The following GRAMD1B variants were observed in gnomAD, a reference collection of about 807,000 sequenced individuals.
The protein encoded by GRAMD1B is GRAM domain containing 1B, also known as protein Aster-B.
GRAMD1B carries 37 observed loss-of-function variants against 99.7 expected under a neutral mutation model. That is an observed-to-expected ratio of 0.37 (90% CI 0.29 to 0.49). The LOEUF is 0.49. GRAMD1B is among the 20% of genes least tolerant of loss of function. GRAMD1B has a pLI of 0.98. For missense variants in GRAMD1B, 888 were observed against 1,009.2 expected, an observed-to-expected ratio of 0.88 and a Z score of 1.63; for synonymous variants, 427 against 387.6, an observed-to-expected ratio of 1.10 and a Z score of -1.19.
At chr11:123,381,741 T>C (rs376337819) in intron 1 of GRAMD1B, among the ~76,000 whole-genome samples, 1 of 152,230 alleles carries the variant, frequency 6.6e-6, no homozygotes, top group Admixed American at 6.5e-5. Flanking sequence ...CTTGGAACTA[T>C]GCTATTTTTT....
chr11:123,560,592 T>C, intron 2 of GRAMD1B: 1 of 537,372 alleles, frequency 1.9e-6, no homozygotes, highest in Non-Finnish European at 3.2e-6. Context: ...GCCCAATGCA[T>C]GAATGAATGA....
intron 2 of GRAMD1B, among the ~76,000 whole-genome samples, chr11:123,553,927 A>C (rs918368919): frequency 6.6e-6 from 1 of 152,212 alleles, no homozygotes; most frequent in Non-Finnish European, 1.5e-5. Context: ...CCATTAAAAA[A>C]ACTTTGGTCA....
chr11:123,554,745 A>C (rs1946000197), intron 2 of GRAMD1B, among the ~76,000 whole-genome samples: 1 of 152,066 alleles, frequency 6.6e-6, no homozygotes, highest in African/African-American at 2.4e-5. Context: ...AACAAGTAAA[A>C]ACATGGAAAG....
intron 2 of GRAMD1B, among the ~76,000 whole-genome samples, chr11:123,538,437 A>C (rs1471792882): frequency 6.6e-6 from 1 of 152,094 alleles, no homozygotes; most frequent in East Asian, 1.9e-4. Context: ...CACTCATTTA[A>C]GATGTACAAT....
chr11:123,543,850 T>C (rs1944785644), intron 2 of GRAMD1B, among the ~76,000 whole-genome samples: 1 of 152,248 alleles, frequency 6.6e-6, no homozygotes, highest in Non-Finnish European at 1.5e-5. Context: ...CAGGCTTTCA[T>C]TTACTTGTTG....
intron 1 of GRAMD1B, among the ~76,000 whole-genome samples, chr11:123,436,609 A>G (rs1272924142): frequency 1.3e-5 from 2 of 152,212 alleles, no homozygotes; most frequent in Non-Finnish European, 2.9e-5. Flanking sequence ...AGACACTCTC[A>G]AAGTGTTGCT....
intron 2 of GRAMD1B, among the ~76,000 whole-genome samples, chr11:123,535,242 A>T (rs945816254): frequency 4.8e-5 from 3 of 61,962 alleles, no homozygotes; most frequent in Non-Finnish European, 7.3e-5. Flanking sequence ...TTTCCATTTA[A>T]AAAAAAAAAA....
chr11:123,523,531 T>A (rs1334309540), intron 2 of GRAMD1B, among the ~76,000 whole-genome samples: 2 of 108,638 alleles, frequency 1.8e-5, no homozygotes, highest in African/African-American at 7.5e-5. Context: ...TTTGGATTTT[T>A]GTTTTTGTAG....
chr11:123,531,884 C>T (rs527604713), intron 2 of GRAMD1B, among the ~76,000 whole-genome samples: 1 of 152,018 alleles, frequency 6.6e-6, no homozygotes, highest in African/African-American at 2.4e-5. Context: ...TACAGGCATG[C>T]ACCACCACGC....
intron 2 of GRAMD1B, among the ~76,000 whole-genome samples, chr11:123,548,028 G>A (rs1234623721): frequency 6.6e-6 from 1 of 151,948 alleles, no homozygotes; most frequent in Non-Finnish European, 1.5e-5. Context: ...TCCGGCATCT[G>A]GGGTGGGTGC....
chr11:123,542,299 A>T (rs1591904846), intron 2 of GRAMD1B, among the ~76,000 whole-genome samples: 1 of 152,238 alleles, frequency 6.6e-6, no homozygotes, highest in Admixed American at 6.5e-5. Flanking sequence ...TCATTGAAGC[A>T]GGGCCTTGGC....
At chr11:123,612,888 T>C in intron 15 of GRAMD1B, 24 bp downstream of exon 15, 1 of 1,340,518 alleles carries the variant, frequency 7.5e-7, no homozygotes, top group African/African-American at 1.4e-5. Flanking sequence ...TCCTTGCTGC[T>C]AGCTGGGCTG....
intron 14 of GRAMD1B, among the ~76,000 whole-genome samples, chr11:123,612,091 C>CTTTT (rs933742922): frequency 2.7e-5 from 4 of 147,504 alleles, no homozygotes; most frequent in African/African-American, 9.9e-5. Flanking sequence ...AGATGATATT[C>CTTTT]TTTTTTTTTT....
chr11:123,427,323 C>T (rs1948690704), upstream of GRAMD1B, among the ~76,000 whole-genome samples: 1 of 152,182 alleles, frequency 6.6e-6, no homozygotes, highest in Admixed American at 6.5e-5. Context: ...TAGCCATCAT[C>T]ATTTATCTGT....
rs116059785 is a variant in GRAMD1B at position 123,522,477 on chromosome 11, C to T, written c.452+41584C>T. 9.5e-3 allele frequency among the ~76,000 whole-genome samples: 1,447 copies of T among 152,194 alleles called. 24 individuals are homozygous for T. The highest frequency in any genetic ancestry group is 0.033 in the African/African-American group (1,375 of 41,514). On this transcript the variant is annotated intron_variant, in intron 2 of 19. Coordinates refer to ENST00000635736, the MANE Select transcript of GRAMD1B (RefSeq NM_001387025.1). ...GGGATTATAGGCGTGCCCTACCACG[C>T]GTGGCTAATTTTTGTATTTTTAATA...
chr11:123,529,710 T>A (rs1943153852), intron 2 of GRAMD1B, among the ~76,000 whole-genome samples: 1 of 152,068 alleles, frequency 6.6e-6, no homozygotes, highest in African/African-American at 2.4e-5. Context: ...TACATGGTTA[T>A]TTTTTTTCTT....
chr11:123,457,893 T>C (rs1950232438), intron 1 of GRAMD1B, among the ~76,000 whole-genome samples: 1 of 152,004 alleles, frequency 6.6e-6, no homozygotes, highest in Non-Finnish European at 1.5e-5. Flanking sequence ...TTCTCCACTT[T>C]TTTGTAGAGA....
intron 7 of GRAMD1B, among the ~76,000 whole-genome samples, chr11:123,597,298 T>A (rs1406336790): frequency 8.1e-6 from 1 of 124,042 alleles, no homozygotes; most frequent in Non-Finnish European, 1.6e-5. Flanking sequence ...AGAGACAGGC[T>A]CTCACTATGT....
intron 1 of GRAMD1B, among the ~76,000 whole-genome samples, chr11:123,372,907 A>G (rs921933065): frequency 3.9e-5 from 6 of 152,148 alleles, no homozygotes; most frequent in African/African-American, 1.4e-4. Flanking sequence ...TGGAAGGCTG[A>G]GTTGGGTAGA....
Sources: gnomAD v4.1 joint callset for allele counts (sites outside exome capture counted in the v4.1 genomes callset) on GRCh38, gnomAD v4.1.1 for gene constraint, MANE v1.5 for transcripts, NCBI Gene and HGNC (gene_info 2026-07-23, HGNC 2026-07-21) for gene names.